METTL2A: variants seen among roughly 807,000 people sequenced by gnomAD.
METTL2A encodes tRNA N(3)-cytidine methyltransferase METTL2A.
METTL2A carries 45 observed loss-of-function variants against 49.4 expected under a neutral mutation model. The observed-to-expected ratio is 0.91, with a 90% confidence interval of 0.72 to 1.17. METTL2A has a LOEUF of 1.17. Among genes scored for constraint, METTL2A ranks in the 50% most tolerant of loss-of-function variants. The pLI, the probability that METTL2A is intolerant of heterozygous loss-of-function variation, is 0.00. For synonymous variants in METTL2A, 118 were observed against 167.5 expected (o/e 0.70, Z 2.28); for missense variants, 361 against 462.2 (o/e 0.78, Z 2.01).
rs374144702 is a variant in METTL2A at position 62,427,811 on chromosome 17, A to G, written c.582A>G (p.Thr194=). 5.6e-6 allele frequency: 9 copies of G among 1,605,942 alleles called. No homozygotes were observed. The highest frequency in any genetic ancestry group is 2.2e-5 in the East Asian group (1 of 44,886). ...AGGTTGGCTGTGGTGTGGGAAACAC[A>G]GTCTTTCCAATTTTACAAACGAACA... The part of the protein sequence containing the change: ...ILEVGCGVGN[T]VFPILQTNND... Residue 194 remains threonine (T), a synonymous_variant, in exon 4 of 9, where the codon ACA becomes ACG. Transcript: ENST00000311506.
At chr17:62,438,363 C>T (rs553953518) in intron 5 of METTL2A, among the ~76,000 whole-genome samples, 4 of 150,132 alleles carry the variant, frequency 2.7e-5, no homozygotes, top group African/African-American at 7.4e-5. Flanking sequence ...GCCAAGATCA[C>T]GCCATTGCAC....
At chr17:62,429,951 G>A (rs545110129) in intron 4 of METTL2A, among the ~76,000 whole-genome samples, 6 of 152,322 alleles carry the variant, frequency 3.9e-5, no homozygotes, top group South Asian at 4.1e-4. Context: ...GATTACAGGC[G>A]TGAGCCATGG....
At position 62,449,091 on chromosome 17, in the gene METTL2A, A is replaced by C. The variant is rs878923008; in HGVS notation, c.*362A>C. On this transcript the variant is annotated 3_prime_UTR_variant, in exon 9 of 9. Transcript: ENST00000311506. ...CTCAAGTTCTTTCTTTGAGATCTCA[A>C]TCTGTCTTAGCATTTTGTAACTAAT... 1.3e-5 allele frequency: 3 copies of C among 223,726 alleles called. No homozygotes were observed. The highest frequency in any genetic ancestry group is 7.0e-5 in the African/African-American group (3 of 42,694). The allele number at this position is 223,726 out of a possible 1,614,324, so 13.9% of individuals were successfully genotyped here.
intron 5 of METTL2A, among the ~76,000 whole-genome samples, chr17:62,440,367 T>A (rs2070730828): frequency 2.0e-5 from 3 of 152,066 alleles, no homozygotes. Context: ...TTTTCACCAA[T>A]CTATATAATG....
intron 7 of METTL2A, 123 bp from the exon 8 acceptor site, chr17:62,447,578 C>T: frequency 1.0e-6 from 1 of 1,002,734 alleles, no homozygotes; most frequent in Non-Finnish European, 1.5e-6. Flanking sequence ...GCTGCTCTTC[C>T]CGAAGCACTG....
chr17:62,445,862 TAAAA>T (rs2070765008), intron 7 of METTL2A, among the ~76,000 whole-genome samples: 2 of 151,922 alleles, frequency 1.3e-5, no homozygotes, highest in African/African-American at 4.8e-5. Flanking sequence ...AAGATGCCAT[TAAAA>T]ATGTAAAAGG....
chr17:62,440,015 G>A (rs1462272873), intron 5 of METTL2A, among the ~76,000 whole-genome samples: 6 of 145,914 alleles, frequency 4.1e-5, no homozygotes, highest in East Asian at 2.1e-4. Context: ...CGTTTTTGCC[G>A]TTACTTTTTT....
chr17:62,427,788 G>A lies in METTL2A; in HGVS notation c.559G>A (p.Val187Ile), dbSNP rs558488415. The part of the protein sequence containing the change: ...GSSATYRILE[V>I]GCGVGNTVFP... ...ATTAATAGTTCATTTCTGTCTGCAGGTTGGCTGTGGTGTGGGAAACACAGT... is the reference window on the plus strand; with the variant it reads ...ATTAATAGTTCATTTCTGTCTGCAGATTGGCTGTGGTGTGGGAAACACAGT... Residue 187 changes from valine to isoleucine, a missense_variant and splice_region_variant, in exon 4 of 9, where the codon GTT becomes ATT. Around this residue, in one of 3 missense-constraint regions of METTL2A, gnomAD observed 28 missense variants for 75.6 expected, o/e 0.37. Transcript: ENST00000311506. 1 of 1,608,506 alleles carries A rather than the reference G, an allele frequency of 6.2e-7. No homozygotes were observed. Among genetic ancestry groups the A allele is most frequent in the African/African-American group, 1.3e-5 (1 of 74,604 alleles).
chr17:62,430,514 G>A (rs985314292), intron 4 of METTL2A, among the ~76,000 whole-genome samples: 2 of 152,118 alleles, frequency 1.3e-5, no homozygotes, highest in African/African-American at 4.8e-5. Flanking sequence ...GCCCTATAAA[G>A]TATGTCCTCT....
chr17:62,448,900 C>G lies in METTL2A; in HGVS notation c.*171C>G. On this transcript the variant is annotated 3_prime_UTR_variant, in exon 9 of 9. Transcript: ENST00000311506. ...CAACCTGGGCAAAATAGTGAGAGAC[C>G]CTGTATCTGAAAGTAATAATAAAAA... 1.2e-6 allele frequency: 1 copy of G among 839,980 alleles called. No homozygotes were observed. 52.0% of individuals were successfully genotyped at this position (839,980 alleles called of 1,614,324 possible). A position where few individuals can be genotyped will look rare whatever the true frequency, so the allele number is the denominator to read the frequency against.
At chr17:62,425,991 ACT>A (rs2070622734) in intron 2 of METTL2A, among the ~76,000 whole-genome samples, 1 of 147,886 alleles carries the variant, frequency 6.8e-6, no homozygotes, top group African/African-American at 2.5e-5. Flanking sequence ...ACAGAGCGAG[ACT>A]CTGTCTCAAA....
chr17:62,451,329 G>T lies in METTL2A; in HGVS notation c.*2600G>T, dbSNP rs1162727721. Among the ~76,000 whole-genome samples the T allele has an allele frequency of 6.6e-6, 1 of 151,342 alleles. No individual in the cohort carries two copies. Among genetic ancestry groups the T allele is most frequent in the Non-Finnish European group, 1.5e-5 (1 of 67,768 alleles). On this transcript the variant is annotated 3_prime_UTR_variant, in exon 9 of 9. Transcript: ENST00000311506. ...TCCCGGCTAATTTTTTGTATTTTTAGTAGAGACAGAGTTTCTCCATGTTGG... is the reference window on the plus strand; with the variant it reads ...TCCCGGCTAATTTTTTGTATTTTTATTAGAGACAGAGTTTCTCCATGTTGG...
chr17:62,449,942 G>A lies in METTL2A; in HGVS notation c.*1213G>A. 1 of 153,682 alleles carries A rather than the reference G, an allele frequency of 6.5e-6. No homozygotes were observed. Among genetic ancestry groups the A allele is most frequent in the South Asian group, 2.0e-4 (1 of 4,964 alleles). The allele number at this position is 153,682 out of a possible 1,614,324, so 9.5% of individuals were successfully genotyped here. Reference sequence around the variant, plus strand: ...CTAAAAATACCAAAAAAATTAGCTGGGCATGGTGGCACACACCTGTAGTCC... The same window carrying A: ...CTAAAAATACCAAAAAAATTAGCTGAGCATGGTGGCACACACCTGTAGTCC... On this transcript the variant is annotated 3_prime_UTR_variant, in exon 9 of 9. Transcript: ENST00000311506.
intron 4 of METTL2A, among the ~76,000 whole-genome samples, chr17:62,428,186 A>G (rs2070641372): frequency 6.6e-6 from 1 of 152,226 alleles, no homozygotes; most frequent in African/African-American, 2.4e-5. Context: ...TTCTTCTTCT[A>G]AGGAACAAAT....
At position 62,453,108 on chromosome 17, in the gene METTL2A, A is replaced by G. The variant is rs568688813; in HGVS notation, c.*4379A>G. 1.3e-5 allele frequency among the ~76,000 whole-genome samples: 2 copies of G among 152,284 alleles called. No homozygotes were observed. The highest frequency in any genetic ancestry group is 2.4e-5 in the African/African-American group (1 of 41,566). ...AGCATCCCTAAAGCATTTCAACACT[A>G]TAGGCACAGTTTTTATTTTATCTTT... On this transcript the variant is annotated 3_prime_UTR_variant, in exon 9 of 9. Transcript: ENST00000311506.
intron 4 of METTL2A, chr17:62,434,786 A>G (rs1320689652): frequency 5.5e-6 from 1 of 182,322 alleles, no homozygotes; most frequent in Non-Finnish European, 1.2e-5. Context: ...GTGTTTGGTG[A>G]ACTAATAAGC....
intron 4 of METTL2A, among the ~76,000 whole-genome samples, chr17:62,430,500 G>A (rs952210266): frequency 4.6e-5 from 7 of 152,164 alleles, no homozygotes; most frequent in South Asian, 2.1e-4. Flanking sequence ...CTCTACAAGA[G>A]TGTGCCCTAT....
Position 62,450,153 on chromosome 17 carries a change from T to G in METTL2A, c.*1424T>G, listed in dbSNP as rs1426282039. 1.3e-5 allele frequency: 2 copies of G among 151,858 alleles called. No homozygotes were observed. Among genetic ancestry groups the G allele is most frequent in the African/African-American group, 4.8e-5 (2 of 41,386 alleles). The allele number at this position is 151,858 out of a possible 1,614,324, so 9.4% of individuals were successfully genotyped here. On this transcript the variant is annotated 3_prime_UTR_variant, in exon 9 of 9. Transcript: ENST00000311506. ...AAAATTATCTTTTTTAATGCACCCT[T>G]AAGTGTTTGACACAAAAGGAATTGA...
rs1186037312 is a variant in METTL2A at position 62,424,061 on chromosome 17, C to T, written c.110+49C>T. 5 of 1,598,514 alleles carry T rather than the reference C, an allele frequency of 3.1e-6. No individual in the cohort carries two copies. In the South Asian group the frequency reaches 3.4e-5, roughly 11 times the overall value. The stretch of plus-strand genomic sequence containing the variant: ...GGCCTGTCGCTGACCCTCTGTCCCG[C>T]CGCCTCGGAGCACTCCGAAAAGCCC... On this transcript the variant is annotated intron_variant, in intron 1 of 8. Coordinates refer to ENST00000311506, the MANE Select transcript of METTL2A (RefSeq NM_181725.4).
Sources: gnomAD v4.1 joint callset for allele counts (sites outside exome capture counted in the v4.1 genomes callset) on GRCh38, gnomAD v4.1.1 for gene constraint, gnomAD v4.1.1 regional missense constraint, MANE v1.5 for transcripts, NCBI Gene and HGNC (gene_info 2026-07-23, HGNC 2026-07-21) for gene names.